The following SPTBN4 variants were observed in gnomAD, a reference collection of about 807,000 sequenced individuals.
SPTBN4 encodes spectrin beta chain, non-erythrocytic 4.
A neutral mutation model predicts 277.8 loss-of-function variants in SPTBN4; 96 were observed. The observed-to-expected ratio is 0.35, with a 90% CI of 0.29 to 0.41. SPTBN4 has a LOEUF of 0.41. Ranked by LOEUF, SPTBN4 falls within the 10% of genes least tolerant of loss-of-function variation. The pLI is 1.00. For missense variants in SPTBN4, 3,006 were observed against 3,595.7 expected, an observed-to-expected ratio of 0.84 and a Z score of 4.19; for synonymous variants, 1,481 against 1,580.3, an observed-to-expected ratio of 0.94 and a Z score of 1.49.
Position 40,513,201 on chromosome 19 carries a change from C to T in SPTBN4, c.2412C>T (p.Asp804=). ...RLAAAGDFGH[D]EASSRRLARQ... is the part of the protein sequence containing the mutation. ...CAGCCGCCGGTGACTTCGGCCACGACGAAGCTTCCAGCCGCCGCCTGGCGC... is the reference window on the plus strand; with the variant it reads ...CAGCCGCCGGTGACTTCGGCCACGATGAAGCTTCCAGCCGCCGCCTGGCGC... Residue 804 remains aspartate (D), a synonymous_variant, in exon 14 of 36, where the codon GAC becomes GAT. Transcript: ENST00000598249. 6.6e-7 allele frequency: 1 copy of T among 1,505,228 alleles called. No homozygotes were observed. The highest frequency in any genetic ancestry group is 8.8e-7 in the Non-Finnish European group (1 of 1,135,274). The allele number at this position is 1,505,228 out of a possible 1,614,324, so 93.2% of individuals were successfully genotyped here.
At chr19:40,530,457 G>A (rs2080652367) in intron 18 of SPTBN4, 2 of 969,966 alleles carry the variant, frequency 2.1e-6, no homozygotes, top group Non-Finnish European at 2.4e-6. Flanking sequence ...CGGCCGCCGC[G>A]CGGGGGCGAG....
intron 22 of SPTBN4, among the ~76,000 whole-genome samples, chr19:40,552,077 G>A (rs2080923650): frequency 6.6e-6 from 1 of 152,110 alleles, no homozygotes; most frequent in Non-Finnish European, 1.5e-5. Context: ...CAGCACTTTG[G>A]GAGGCTGAGG....
At position 40,556,237 on chromosome 19, in the gene SPTBN4, G is replaced by A; in HGVS notation, c.5238G>A (p.Lys1746=). Residue 1746 remains lysine, a synonymous_variant, in exon 25 of 36, where the codon AAG becomes AAA. Transcript: ENST00000598249. ...AGCTTGAGCACTGGATTGCCGAGAA[G>A]GAGGTGGTGGCTGGCTCACCCGAGC... is the stretch of plus-strand genomic sequence containing the variant. ...VSELEHWIAE[K]EVVAGSPELG... is the part of the protein sequence containing the mutation. 1 of 1,613,712 alleles carries A rather than the reference G, an allele frequency of 6.2e-7. No homozygotes were observed. Among genetic ancestry groups the A allele is most frequent in the Non-Finnish European group, 8.5e-7 (1 of 1,179,952 alleles).
rs1217629664 is a variant in SPTBN4, at chr19:40,560,576, T to C, written c.5915+173T>C. ...TTCGTGTGTATTCAGACCCCTTTTT[T>C]AGGCCTGTCATTGGGGACTTCGGTC... On this transcript the variant is annotated intron_variant, in intron 27 of 35. Transcript: ENST00000598249. This position sits in a 1 kb window ranked among gnomAD's most constrained non-coding sequence, Gnocchi z 5.2. The C allele has an allele frequency of 6.7e-7, 1 of 1,481,928 alleles. No homozygotes were observed. Among genetic ancestry groups the C allele is most frequent in the Non-Finnish European group, 8.9e-7 (1 of 1,120,860 alleles). 91.8% of individuals were successfully genotyped at this position (1,481,928 alleles called of 1,614,324 possible).
intron 20 of SPTBN4, among the ~76,000 whole-genome samples, chr19:40,538,529 G>C (rs1162587883): frequency 6.6e-6 from 1 of 152,214 alleles, no homozygotes; most frequent in Non-Finnish European, 1.5e-5. Context: ...CTTCATGGGT[G>C]TTTGCCCGTG....
intron 21 of SPTBN4, 49 bp from the exon 22 acceptor site, chr19:40,550,189 G>A: frequency 1.3e-6 from 2 of 1,531,392 alleles, no homozygotes; most frequent in Non-Finnish European, 1.8e-6. Context: ...GCGATGCAGG[G>A]GTTCTTGGAT....
chr19:40,534,052 T>C, intron 19 of SPTBN4, 28 bp from the exon 20 acceptor site: 1 of 1,581,320 alleles, frequency 6.3e-7, no homozygotes, highest in Non-Finnish European at 8.6e-7. Context: ...ATCTTCTCCA[T>C]CTCCTGCCAT....
In SPTBN4 at chr19:40,575,646, G is replaced by A; in HGVS notation, c.*77G>A. ...TGGGCACAAAGACACTTTTTCTTCC[G>A]CAGGGGCGGGAGCCCCTAGTTCCAA... On this transcript the variant is annotated 3_prime_UTR_variant, in exon 36 of 36. Coordinates refer to ENST00000598249, the MANE Select transcript of SPTBN4 (RefSeq NM_020971.3). The A allele has an allele frequency of 6.8e-7, 1 of 1,479,932 alleles. No homozygotes were observed. The allele number at this position is 1,479,932 out of a possible 1,614,324, so 91.7% of individuals were successfully genotyped here. A position where few individuals can be genotyped will look rare whatever the true frequency, so the allele number is the denominator to read the frequency against.
chr19:40,525,154 G>A (rs888648256), intron 17 of SPTBN4, among the ~76,000 whole-genome samples: 3 of 152,132 alleles, frequency 2.0e-5, no homozygotes, highest in Admixed American at 6.6e-5. Context: ...CCCCAGGACC[G>A]CTACCCCTTT....
At chr19:40,569,577 A>G in intron 31 of SPTBN4, 80 bp from the exon 32 acceptor site, 1 of 1,449,458 alleles carries the variant, frequency 6.9e-7, no homozygotes, top group Non-Finnish European at 9.5e-7. Context: ...TAAGAAGTGG[A>G]GGCTCCTCTG....
intron 20 of SPTBN4, among the ~76,000 whole-genome samples, chr19:40,539,245 C>T (rs895494731): frequency 2.0e-5 from 3 of 152,252 alleles, no homozygotes; most frequent in African/African-American, 7.2e-5. Flanking sequence ...GGTTCTGAGT[C>T]ACAGCTCTCC....
chr19:40,560,447 C>T lies in SPTBN4; in HGVS notation c.5915+44C>T, dbSNP rs560894476. The T allele has an allele frequency of 1.3e-5, 21 of 1,612,022 alleles. No individual in the cohort carries two copies. Among genetic ancestry groups the T allele is most frequent in the African/African-American group, 9.3e-5 (7 of 75,026 alleles). ...CGGGCTTCCTGCCTCCCCCTGGTGG[C>T]CTACCCCAGCCACCCCCAGCCCATT... On this transcript the variant is annotated intron_variant, in intron 27 of 35. Coordinates refer to ENST00000598249, the MANE Select transcript of SPTBN4 (RefSeq NM_020971.3). The surrounding 1 kb of genome is among the most constrained non-coding windows in gnomAD (Gnocchi z 5.2).
intron 30 of SPTBN4, among the ~76,000 whole-genome samples, chr19:40,566,845 A>T (rs2081096892): frequency 6.6e-6 from 1 of 151,884 alleles, no homozygotes; most frequent in Non-Finnish European, 1.5e-5. Flanking sequence ...CACGCCTGTA[A>T]TCCCAGCTAC....
At chr19:40,497,413 A>G (rs1367413891) in intron 6 of SPTBN4, 76 bp from the exon 7 acceptor site, 3 of 1,067,530 alleles carry the variant, frequency 2.8e-6, no homozygotes, top group African/African-American at 3.1e-5. Context: ...GTGCTCAGAC[A>G]AGGGTGGCTT....
In SPTBN4 at chr19:40,511,497, C is replaced by T. The variant is rs1047094643; in HGVS notation, c.1817-1109C>T. On this transcript the variant is annotated intron_variant, in intron 13 of 35. Coordinates refer to ENST00000598249, the MANE Select transcript of SPTBN4 (RefSeq NM_020971.3). The stretch of plus-strand genomic sequence containing the variant: ...GTTTTGCATTGTGATATTTTCCGTT[C>T]CTTCTATTCTATTCCACCAAACAAA... 3.9e-5 allele frequency among the ~76,000 whole-genome samples: 6 copies of T among 152,340 alleles called. No homozygotes were observed. In the East Asian group the frequency reaches 5.8e-4, roughly 15 times the overall value.
At chr19:40,498,368 TTTTATTTTATTTATTTATTTA>T (rs1488657272) in intron 7 of SPTBN4, among the ~76,000 whole-genome samples, 1 of 146,736 alleles carries the variant, frequency 6.8e-6, no homozygotes, top group East Asian at 2.0e-4. Flanking sequence ...CCCTGTTTTA[TTTTATTTTATTTATTTATTTA>T]TTTATTTATT....
chr19:40,554,288 C>T lies in SPTBN4; in HGVS notation c.4816C>T (p.Leu1606=), dbSNP rs772294054. ...LEQLQSAWAG[L]REAAERRQQV... ...GCAGCTGCAGAGCGCCTGGGCCGGA[C>T]TGCGGGAGGCTGCCGAGCGACGGCA... The change falls in exon 23 of 36, where the codon CTG becomes TTG. Residue 1606 remains leucine (L), a synonymous_variant. Transcript: ENST00000598249. The surrounding 1 kb of genome is among the most constrained non-coding windows in gnomAD (Gnocchi z 5.7). The T allele has an allele frequency of 1.4e-5, 22 of 1,538,416 alleles. No homozygotes were observed. The South Asian group carries it at 2.5e-4, about 17-fold the overall frequency.
intron 30 of SPTBN4, 47 bp from the exon 31 acceptor site, chr19:40,567,616 G>GCCCCCCCCCCCCCACCAAAA: frequency 1.8e-6 from 1 of 551,350 alleles, no homozygotes; most frequent in Non-Finnish European, 2.8e-6. Context: ...CCCTTACCCC[G>GCCCCCCCCCCCCCACCAAAA]CCCCGGCCCC....
intron 21 of SPTBN4, among the ~76,000 whole-genome samples, 196 bp downstream of exon 21, chr19:40,549,609 GTCAC>G (rs1358263516): frequency 6.6e-6 from 1 of 152,224 alleles, no homozygotes; most frequent in Non-Finnish European, 1.5e-5. Context: ...TATTCATGAA[GTCAC>G]TCATTTATTT....
Sources: gnomAD v4.1 joint callset for allele counts (sites outside exome capture counted in the v4.1 genomes callset) on GRCh38, gnomAD v4.1.1 for gene constraint, Gnocchi (gnomAD v3.1) non-coding constraint, MANE v1.5 for transcripts, NCBI Gene and HGNC (gene_info 2026-07-23, HGNC 2026-07-21) for gene names.